DPY19L2: variants seen among roughly 807,000 people sequenced by gnomAD.
DPY19L2 encodes the protein dpy-19 like 2.
In DPY19L2, 34 loss-of-function variants were observed where a neutral mutation model predicts 97.9. The observed-to-expected ratio is 0.35, with a 90% CI of 0.26 to 0.46. DPY19L2 has a LOEUF of 0.46. Ranked by LOEUF, DPY19L2 falls within the 20% of genes least tolerant of loss-of-function variation. DPY19L2 has a pLI of 1.00. For missense variants in DPY19L2, 623 were observed against 911.4 expected (o/e 0.68, Z 4.07); for synonymous variants, 230 against 307.9 (o/e 0.75, Z 2.65).
chr12:63,583,467 G>A (rs4124785), intron 17 of DPY19L2, among the ~76,000 whole-genome samples: 2 of 152,228 alleles, frequency 1.3e-5, no homozygotes, highest in Admixed American at 6.5e-5. Flanking sequence ...GCAAATCTAC[G>A]TGGTGGCAGA....
chr12:63,639,049 G>A (rs1261976670), intron 6 of DPY19L2, among the ~76,000 whole-genome samples: 2 of 152,004 alleles, frequency 1.3e-5, no homozygotes, highest in Admixed American at 6.6e-5. Context: ...AAATAATGCT[G>A]CATATCTACA....
At chr12:63,646,086 T>C (rs1242013659) in intron 5 of DPY19L2, among the ~76,000 whole-genome samples, 1 of 152,144 alleles carries the variant, frequency 6.6e-6, no homozygotes, top group Non-Finnish European at 1.5e-5. Flanking sequence ...ATACTTATCC[T>C]CTCTTACTCC....
At chr12:63,636,121 T>G (rs1891650499) in intron 6 of DPY19L2, among the ~76,000 whole-genome samples, 1 of 152,042 alleles carries the variant, frequency 6.6e-6, no homozygotes, top group Non-Finnish European at 1.5e-5. Flanking sequence ...GCGGCCAATA[T>G]TCAACATTCT....
At chr12:63,637,576 A>G (rs1341034084) in intron 6 of DPY19L2, among the ~76,000 whole-genome samples, 1 of 152,200 alleles carries the variant, frequency 6.6e-6, no homozygotes, top group Non-Finnish European at 1.5e-5. Context: ...AGAGAATTCT[A>G]TAAACACCTC....
intron 21 of DPY19L2, among the ~76,000 whole-genome samples, chr12:63,565,152 T>G (rs963621806): frequency 6.6e-6 from 1 of 152,222 alleles, no homozygotes; most frequent in Admixed American, 6.5e-5. Flanking sequence ...TAGTAGGGTC[T>G]TGCTTTGCTG....
At chr12:63,668,676 C>G (rs184421137), upstream of DPY19L2, 1,640 of 444,680 alleles carry the variant, frequency 3.7e-3, 32 homozygotes, top group African/African-American at 0.029. Context: ...GAGGGCAGCC[C>G]CACGCACAGC....
chr12:63,571,230 A>G (rs928363028), intron 19 of DPY19L2, among the ~76,000 whole-genome samples: 2 of 152,018 alleles, frequency 1.3e-5, no homozygotes, highest in Non-Finnish European at 2.9e-5. Flanking sequence ...TCATCCAGAA[A>G]CCACCCCCTA....
Position 63,621,313 on chromosome 12 carries a change from G to A in DPY19L2, c.978C>T (p.Pro326=). ...ILRTSSNDRR[P]FIALCLSNVA... ...CATTGGAAAGACAGAGTGCAATGAA[G>A]GGCCTTCTATCATTGCTTGAGGTCC... Residue 326 remains proline (P), a synonymous_variant, in exon 9 of 22, where the codon CCC becomes CCT. Coordinates refer to ENST00000324472, the MANE Select transcript of DPY19L2 (RefSeq NM_173812.5). The A allele has an allele frequency of 9.9e-7, 1 of 1,007,048 alleles. No homozygotes were observed. Among genetic ancestry groups the A allele is most frequent in the Non-Finnish European group, 1.5e-6 (1 of 660,746 alleles). 62.4% of individuals were successfully genotyped at this position (1,007,048 alleles called of 1,614,324 possible). A position where few individuals can be genotyped will look rare whatever the true frequency, so the allele number is the denominator to read the frequency against.
Position 63,610,841 on chromosome 12 carries a change from C to CAAAAAAAAAAAAAAA in DPY19L2, c.1219-2181_1219-2167dup. On this transcript the variant is annotated intron_variant, in intron 11 of 21. Coordinates refer to ENST00000324472, the MANE Select transcript of DPY19L2 (RefSeq NM_173812.5). ...AGGCCAGTACCTCTGATGAATATAG[C>CAAAAAAAAAAAAAAA]AAAAAAAAAAAAAAAAAAAAAAAAA... Among the ~76,000 whole-genome samples, 94 of 10,770 alleles carry CAAAAAAAAAAAAAAA rather than the reference C, an allele frequency of 8.7e-3. 26 individuals carry two copies. The highest frequency in any genetic ancestry group is 0.023 in the South Asian group (2 of 88). The allele number at this position is 10,770 out of a possible 152,430, so 7.1% of individuals were successfully genotyped here.
At chr12:63,663,186 G>T (rs541064868) in intron 3 of DPY19L2, among the ~76,000 whole-genome samples, 1 of 152,092 alleles carries the variant, frequency 6.6e-6, no homozygotes, top group East Asian at 1.9e-4. Context: ...GAAGATGGAC[G>T]GTTGTGGTGT....
intron 11 of DPY19L2, among the ~76,000 whole-genome samples, chr12:63,614,612 T>C (rs1887556940): frequency 1.3e-5 from 2 of 152,080 alleles, no homozygotes; most frequent in South Asian, 4.1e-4. Context: ...AGAAGGCAAA[T>C]GGATATATGA....
intron 19 of DPY19L2, among the ~76,000 whole-genome samples, chr12:63,579,524 G>C (rs1277795101): frequency 6.6e-6 from 1 of 152,126 alleles, no homozygotes; most frequent in East Asian, 1.9e-4. Context: ...ATCTTAGAAG[G>C]ATAAGTTGCC....
At position 63,560,781 on chromosome 12, in the gene DPY19L2, C is replaced by T. The variant is rs185933921; in HGVS notation, c.2127-119G>A. The stretch of plus-strand genomic sequence containing the variant: ...ATTTCATAAGTTAAATATTTTAAAG[C>T]GTCATTTCAAAAAACAATTTCAATG... On this transcript the variant is annotated intron_variant, in intron 21 of 21. Coordinates refer to ENST00000324472, the MANE Select transcript of DPY19L2 (RefSeq NM_173812.5). 1.4e-4 allele frequency: 189 copies of T among 1,368,584 alleles called. No homozygotes were observed. The African/African-American group carries it at 2.3e-3, about 16-fold the overall frequency. The allele number at this position is 1,368,584 out of a possible 1,614,324, so 84.8% of individuals were successfully genotyped here. A position where few individuals can be genotyped will look rare whatever the true frequency, so the allele number is the denominator to read the frequency against.
At chr12:63,564,921 T>C (rs1217534213) in intron 21 of DPY19L2, among the ~76,000 whole-genome samples, 1 of 152,180 alleles carries the variant, frequency 6.6e-6, no homozygotes, top group Non-Finnish European at 1.5e-5. Context: ...AGTGCATAAA[T>C]GTTCAGGGTT....
intron 19 of DPY19L2, among the ~76,000 whole-genome samples, chr12:63,577,862 A>G (rs1880141136): frequency 6.6e-6 from 1 of 152,182 alleles, no homozygotes; most frequent in Non-Finnish European, 1.5e-5. Flanking sequence ...AATTAGCACA[A>G]CCACTATGTA....
At chr12:63,652,731 A>G (rs1327824205) in intron 4 of DPY19L2, among the ~76,000 whole-genome samples, 1 of 152,184 alleles carries the variant, frequency 6.6e-6, no homozygotes, top group Admixed American at 6.5e-5. Context: ...CTGAGTACAC[A>G]TGGACACAAA....
chr12:63,574,071 G>A (rs1165568516), intron 19 of DPY19L2, among the ~76,000 whole-genome samples: 1 of 151,984 alleles, frequency 6.6e-6, no homozygotes, highest in African/African-American at 2.4e-5. Context: ...TATATGATAA[G>A]TAGAAAGACG....
rs1164364218 is a variant in DPY19L2 at position 63,559,204 on chromosome 12, TATAAG to T, written c.*1303_*1307del. 9 of 152,304 alleles carry T rather than the reference TATAAG, an allele frequency of 5.9e-5. No individual in the cohort carries two copies. The highest frequency in any genetic ancestry group is 1.9e-4 in the East Asian group (1 of 5,190). 9.4% of individuals were successfully genotyped at this position (152,304 alleles called of 1,614,324 possible). A position where few individuals can be genotyped will look rare whatever the true frequency, so the allele number is the denominator to read the frequency against. On this transcript the variant is annotated 3_prime_UTR_variant, in exon 22 of 22. Coordinates refer to ENST00000324472, the MANE Select transcript of DPY19L2 (RefSeq NM_173812.5). The stretch of plus-strand genomic sequence containing the variant: ...TTTTCTTAGCTGTTTTGTATTCTGT[TATAAG>T]ATATTTTACAACTATGAAAGTTGAA...
At chr12:63,631,610 G>A (rs553003384) in intron 6 of DPY19L2, among the ~76,000 whole-genome samples, 12 of 152,072 alleles carry the variant, frequency 7.9e-5, no homozygotes, top group African/African-American at 2.9e-4. Flanking sequence ...ACCAGACAGA[G>A]TCACAGCCCA....
Sources: gnomAD v4.1 joint callset for allele counts (sites outside exome capture counted in the v4.1 genomes callset) on GRCh38, gnomAD v4.1.1 for gene constraint, MANE v1.5 for transcripts, NCBI Gene and HGNC (gene_info 2026-07-23, HGNC 2026-07-21) for gene names.